AK8: variants seen among roughly 807,000 people sequenced by gnomAD.
AK8 encodes the protein adenylate kinase 8, also known as ATP-AMP transphosphorylase 8.
Under a neutral mutation model 54.6 loss-of-function variants are expected in AK8, and 44 were observed. That is an observed-to-expected ratio of 0.81 (90% CI 0.63 to 1.04). The LOEUF (loss-of-function observed/expected upper bound fraction) is 1.04, where lower values mean the gene tolerates loss of function less well. Ranked by LOEUF, AK8 falls within the 50% of genes least tolerant of loss-of-function variation. AK8 has a pLI of 0.00. For synonymous variants in AK8, 239 were observed against 245.6 expected (o/e 0.97, Z 0.25); for missense variants, 555 against 613.6 (o/e 0.90, Z 1.01).
intron 11 of AK8, among the ~76,000 whole-genome samples, chr9:132,734,232 C>G (rs986834779): frequency 1.3e-5 from 2 of 152,202 alleles, no homozygotes; most frequent in Non-Finnish European, 2.9e-5. Context: ...ACCAAAACCT[C>G]CAGGTGAGGG....
At chr9:132,740,702 G>C (rs1003398397) in intron 11 of AK8, among the ~76,000 whole-genome samples, 13 of 149,380 alleles carry the variant, frequency 8.7e-5, no homozygotes, top group Middle Eastern at 3.3e-3. Context: ...TCCAGTCTTA[G>C]AGCTGAGCAC....
At chr9:132,754,456 G>C (rs1215124651) in intron 11 of AK8, among the ~76,000 whole-genome samples, 1 of 152,162 alleles carries the variant, frequency 6.6e-6, no homozygotes, top group Non-Finnish European at 1.5e-5. Flanking sequence ...GAATGTTCGT[G>C]GAAGATCAGT....
At chr9:132,804,762 G>A (rs1053151322) in intron 10 of AK8, among the ~76,000 whole-genome samples, 1 of 152,156 alleles carries the variant, frequency 6.6e-6, no homozygotes, top group Non-Finnish European at 1.5e-5. Context: ...GCTGTGCCAA[G>A]TTCCCTTGCA....
At position 132,725,861 on chromosome 9, in the gene AK8, T is replaced by C; in HGVS notation, c.1267A>G (p.Lys423Glu). 1 of 1,610,804 alleles carries C rather than the reference T, an allele frequency of 6.2e-7. No homozygotes were observed. The change falls in exon 13 of 13, where the codon AAG (lysine) becomes GAG (glutamate). Residue 423 changes from lysine to glutamate, a missense_variant. Physicochemically the swap from Lys to Glu is moderately conservative, Grantham distance 56. Coordinates refer to ENST00000298545, the MANE Select transcript of AK8 (RefSeq NM_152572.3). ...AGCTTGACCTGCTCTTCAGCATCCTTTGGGTTCTGCAGGAGGCGAGCCTGG... is the reference window on the plus strand; with the variant it reads ...AGCTTGACCTGCTCTTCAGCATCCTCTGGGTTCTGCAGGAGGCGAGCCTGG... Reference protein sequence around the residue: ...EIQARLLQNPKDAEEQVKLKM... With the variant: ...EIQARLLQNPEDAEEQVKLKM...
intron 5 of AK8, among the ~76,000 whole-genome samples, chr9:132,839,809 A>AT (rs34841386): frequency 8.5e-4 from 73 of 86,230 alleles, no homozygotes; most frequent in African/African-American, 1.7e-3. Flanking sequence ...TAAAGAAAAC[A>AT]TTTTTTTTGC....
intron 11 of AK8, among the ~76,000 whole-genome samples, chr9:132,751,720 C>T (rs1837936090): frequency 6.6e-6 from 1 of 151,914 alleles, no homozygotes; most frequent in Admixed American, 6.6e-5. Context: ...ACTGTGCAGC[C>T]ACTGACGGTG....
intron 11 of AK8, among the ~76,000 whole-genome samples, chr9:132,780,519 C>T (rs1839419154): frequency 6.6e-6 from 1 of 152,232 alleles, no homozygotes; most frequent in Admixed American, 6.5e-5. Flanking sequence ...TGAGAAGAGA[C>T]CTGTCACTGC....
intron 5 of AK8, among the ~76,000 whole-genome samples, chr9:132,853,127 CG>C (rs1843034098): frequency 6.6e-6 from 1 of 151,824 alleles, no homozygotes; most frequent in South Asian, 2.1e-4. Context: ...GAGGCCAAGG[CG>C]GGTGGATCAC....
At chr9:132,774,948 G>A (rs1839145948) in intron 11 of AK8, among the ~76,000 whole-genome samples, 1 of 152,178 alleles carries the variant, frequency 6.6e-6, no homozygotes, top group Non-Finnish European at 1.5e-5. Context: ...AAATTGAGAT[G>A]CGCTTTGCCA....
chr9:132,736,587 G>A (rs181224696), intron 11 of AK8, among the ~76,000 whole-genome samples: 3,565 of 151,142 alleles, frequency 0.024, 111 homozygotes, highest in Admixed American at 0.03. Flanking sequence ...CACAAGCTCA[G>A]GAGATCGAGA....
chr9:132,809,834 G>A (rs1465863048), intron 10 of AK8, among the ~76,000 whole-genome samples: 3 of 152,242 alleles, frequency 2.0e-5, no homozygotes, highest in Admixed American at 1.3e-4. Context: ...TGCTCAATTC[G>A]GGAAGGAGGG....
At chr9:132,732,221 A>T (rs1375822240) in intron 11 of AK8, among the ~76,000 whole-genome samples, 1 of 152,106 alleles carries the variant, frequency 6.6e-6, no homozygotes, top group Admixed American at 6.5e-5. Context: ...TTTTTTCCAC[A>T]ATTATATTTT....
At chr9:132,814,277 T>G (rs1841211615) in intron 10 of AK8, among the ~76,000 whole-genome samples, 1 of 18,148 alleles carries the variant, frequency 5.5e-5, no homozygotes, top group Non-Finnish European at 1.1e-4. Context: ...ATACCCTGTC[T>G]CAAAAAAAAA....
chr9:132,753,655 G>A (rs1046327290), intron 11 of AK8, among the ~76,000 whole-genome samples: 19 of 152,192 alleles, frequency 1.2e-4, no homozygotes, highest in African/African-American at 3.6e-4. Context: ...TCATCCCCAG[G>A]GTGGCCCAGC....
intron 5 of AK8, among the ~76,000 whole-genome samples, chr9:132,851,012 C>G (rs1588212385): frequency 6.6e-6 from 1 of 152,036 alleles, no homozygotes; most frequent in African/African-American, 2.4e-5. Flanking sequence ...ACACACAGGG[C>G]AGCTATTCGA....
Position 132,736,312 on chromosome 9 carries a change from G to A in AK8, c.1122-8778C>T, listed in dbSNP as rs1199697057. On this transcript the variant is annotated intron_variant, in intron 11 of 12. Coordinates refer to ENST00000298545, the MANE Select transcript of AK8 (RefSeq NM_152572.3). Reference sequence around the variant, plus strand: ...AGCAATTCTCCTGCCTCAGCCTCCCGAGTAGCTGGGATTACAGGTGTGTAC... The same window carrying A: ...AGCAATTCTCCTGCCTCAGCCTCCCAAGTAGCTGGGATTACAGGTGTGTAC... Among the ~76,000 whole-genome samples, 4 of 150,094 alleles carry A rather than the reference G, an allele frequency of 2.7e-5. No homozygotes were observed. In the South Asian group the frequency reaches 6.4e-4, roughly 24 times the overall value.
At chr9:132,805,386 A>G (rs1588150060) in intron 10 of AK8, among the ~76,000 whole-genome samples, 1 of 152,304 alleles carries the variant, frequency 6.6e-6, no homozygotes, top group Admixed American at 6.5e-5. Context: ...AGCCAGTGAC[A>G]AGGAACAGCG....
At chr9:132,789,619 A>AAAAG (rs1225712403) in intron 11 of AK8, among the ~76,000 whole-genome samples, 51 of 149,798 alleles carry the variant, frequency 3.4e-4, no homozygotes, top group African/African-American at 9.7e-4. Flanking sequence ...AAAAAAAAAA[A>AAAAG]AAAGAAAGAA....
chr9:132,777,157 C>T (rs558215030), intron 11 of AK8, among the ~76,000 whole-genome samples: 3 of 152,274 alleles, frequency 2.0e-5, no homozygotes, highest in Admixed American at 6.5e-5. Flanking sequence ...CAAAATCTTG[C>T]GACTGGTATT....
Sources: allele counts gnomAD v4.1 joint callset (sites outside exome capture counted in the v4.1 genomes callset), GRCh38; gene constraint gnomAD v4.1.1; transcripts MANE v1.5; gene names NCBI Gene and HGNC (gene_info 2026-07-23, HGNC 2026-07-21).